Variants in INPP4B observed in about 807,000 individuals in gnomAD.
INPP4B encodes inositol polyphosphate-4-phosphatase type II B.
INPP4B carries 55 observed loss-of-function variants against 122.5 expected under a neutral mutation model. The observed-to-expected ratio is 0.45, with a 90% confidence interval of 0.36 to 0.56. INPP4B has a LOEUF of 0.56. Among genes scored for constraint, INPP4B ranks in the 20% least tolerant of loss-of-function variants. The pLI is 0.00. For missense variants in INPP4B, 1,000 were observed against 1,097.7 expected, an observed-to-expected ratio of 0.91 and a Z score of 1.26; for synonymous variants, 403 against 388.7, an observed-to-expected ratio of 1.04 and a Z score of -0.43.
At chr4:142,796,933 G>T (rs933530660) in intron 1 of INPP4B, among the ~76,000 whole-genome samples, 1 of 146,370 alleles carries the variant, frequency 6.8e-6, no homozygotes, top group African/African-American at 2.6e-5. Context: ...TAATAGCAGA[G>T]AACAAAATTA....
intron 2 of INPP4B, among the ~76,000 whole-genome samples, chr4:142,608,104 A>G (rs1741666262): frequency 6.6e-6 from 1 of 152,158 alleles, no homozygotes. Context: ...TTTTTGTTTT[A>G]AATAAATGAA....
intron 2 of INPP4B, among the ~76,000 whole-genome samples, chr4:142,620,187 TA>T (rs1380027290): frequency 1.3e-5 from 2 of 151,878 alleles, no homozygotes; most frequent in Non-Finnish European, 1.5e-5. Flanking sequence ...AGCTCTACCA[TA>T]AAAACACATG....
intron 18 of INPP4B, among the ~76,000 whole-genome samples, chr4:142,136,322 G>A (rs908108081): frequency 6.6e-6 from 1 of 152,138 alleles, no homozygotes; most frequent in Admixed American, 6.5e-5. Flanking sequence ...CCAAGGCCCG[G>A]GTACAGGCTT....
intron 3 of INPP4B, among the ~76,000 whole-genome samples, chr4:142,445,250 TAA>T (rs1475331745): frequency 6.6e-6 from 1 of 151,862 alleles, no homozygotes; most frequent in Admixed American, 6.6e-5. Context: ...CAAAAAAGCA[TAA>T]AAGAGATCCA....
At chr4:142,077,938 T>G (rs943788539) in intron 25 of INPP4B, among the ~76,000 whole-genome samples, 1 of 136,142 alleles carries the variant, frequency 7.3e-6, no homozygotes, top group Non-Finnish European at 1.6e-5. Flanking sequence ...TAGTATGTGG[T>G]GGGACTTTGC....
At chr4:142,731,785 AC>A (rs974715118) in intron 1 of INPP4B, among the ~76,000 whole-genome samples, 7 of 152,054 alleles carry the variant, frequency 4.6e-5, no homozygotes, top group African/African-American at 7.2e-5. Flanking sequence ...GAAAAAAAAA[AC>A]ATCATCCAAC....
intron 2 of INPP4B, among the ~76,000 whole-genome samples, chr4:142,686,758 G>A (rs1211495132): frequency 6.6e-6 from 1 of 151,942 alleles, no homozygotes; most frequent in Non-Finnish European, 1.5e-5. Flanking sequence ...TGGATTTCAT[G>A]TGCTACTTAT....
intron 18 of INPP4B, among the ~76,000 whole-genome samples, chr4:142,140,477 GAT>G (rs1197492414): frequency 6.6e-6 from 1 of 152,174 alleles, no homozygotes; most frequent in East Asian, 1.9e-4. Flanking sequence ...TCCTTTTAGT[GAT>G]GTGCCTTAAG....
At chr4:142,367,683 C>T (rs977742424) in intron 7 of INPP4B, among the ~76,000 whole-genome samples, 13 of 152,100 alleles carry the variant, frequency 8.5e-5, no homozygotes, top group African/African-American at 2.4e-4. Flanking sequence ...ATTCATGCAT[C>T]CATAATACAT....
At chr4:142,207,749 A>G (rs1041410074) in intron 14 of INPP4B, among the ~76,000 whole-genome samples, 5 of 152,164 alleles carry the variant, frequency 3.3e-5, no homozygotes, top group African/African-American at 4.8e-5. Context: ...AATTTGCATA[A>G]TTGCTATAGC....
chr4:142,806,852 G>A (rs922388787), intron 1 of INPP4B, among the ~76,000 whole-genome samples: 13 of 128,576 alleles, frequency 1.0e-4, no homozygotes, highest in East Asian at 5.3e-4. Flanking sequence ...AGAAAGAAAG[G>A]AGAAGAAAAA....
intron 2 of INPP4B, among the ~76,000 whole-genome samples, chr4:142,588,384 A>G (rs1736685694): frequency 6.6e-6 from 1 of 151,796 alleles, no homozygotes; most frequent in Non-Finnish European, 1.5e-5. Flanking sequence ...TGTAAATGAC[A>G]TGACTTATAT....
chr4:142,196,696 G>A (rs982068883), intron 14 of INPP4B, among the ~76,000 whole-genome samples: 19 of 152,006 alleles, frequency 1.2e-4, no homozygotes, highest in African/African-American at 3.1e-4. Context: ...GTGGCTGGTC[G>A]GTTACTCTAT....
At chr4:142,227,267 T>C (rs1851960083) in intron 12 of INPP4B, among the ~76,000 whole-genome samples, 1 of 152,080 alleles carries the variant, frequency 6.6e-6, no homozygotes, top group Non-Finnish European at 1.5e-5. Flanking sequence ...GTCATCTTAC[T>C]ACCAGGAGAA....
chr4:142,534,425 G>A (rs1388384291), intron 2 of INPP4B, among the ~76,000 whole-genome samples: 2 of 152,058 alleles, frequency 1.3e-5, no homozygotes, highest in African/African-American at 4.8e-5. Context: ...GTTGGAAGGA[G>A]CATTCTCTTA....
chr4:142,825,949 C>G (rs189065355), intron 1 of INPP4B, among the ~76,000 whole-genome samples: 55 of 152,132 alleles, frequency 3.6e-4, no homozygotes, highest in Admixed American at 3.2e-3. Context: ...TGTCTTATCT[C>G]GTGTTTTTAC....
At chr4:142,602,271 C>A (rs1740181526) in intron 2 of INPP4B, among the ~76,000 whole-genome samples, 1 of 152,030 alleles carries the variant, frequency 6.6e-6, no homozygotes, top group Non-Finnish European at 1.5e-5. Context: ...ATACAGCTAA[C>A]ATGGGAAGTG....
intron 15 of INPP4B, among the ~76,000 whole-genome samples, chr4:142,192,837 C>T (rs1023155492): frequency 2.6e-5 from 4 of 152,136 alleles, no homozygotes; most frequent in African/African-American, 9.7e-5. Context: ...TAGAATATCA[C>T]CCCTTAGTCA....
intron 2 of INPP4B, among the ~76,000 whole-genome samples, chr4:142,547,131 T>C: frequency 1.3e-5 from 1 of 77,496 alleles, no homozygotes; most frequent in Non-Finnish European, 2.4e-5. Flanking sequence ...ATCCCAGTGC[T>C]TTTTTTTTTT....
Sources: gnomAD v4.1 joint callset for allele counts (sites outside exome capture counted in the v4.1 genomes callset) on GRCh38, gnomAD v4.1.1 for gene constraint, MANE v1.5 for transcripts, NCBI Gene and HGNC (gene_info 2026-07-23, HGNC 2026-07-21) for gene names.